XKR4: variants seen among roughly 807,000 people sequenced by gnomAD.
XKR4 encodes the protein XK related 4.
XKR4 carries 12 observed loss-of-function variants against 53.9 expected under a neutral mutation model. The observed-to-expected ratio is 0.22, with a 90% confidence interval of 0.14 to 0.36. XKR4 has a LOEUF of 0.36. XKR4 is among the 10% of genes least tolerant of loss of function. The pLI is 1.00. For missense variants in XKR4, 799 were observed against 859.5 expected (o/e 0.93, Z 0.88); for synonymous variants, 354 against 362.4 (o/e 0.98, Z 0.26).
At chr8:55,326,823 G>A (rs1342940733) in intron 1 of XKR4, among the ~76,000 whole-genome samples, 2 of 151,796 alleles carry the variant, frequency 1.3e-5, no homozygotes, top group South Asian at 2.1e-4. Flanking sequence ...TATGAGCTTA[G>A]GCAGCAAGAT....
chr8:55,517,928 A>AG (rs1161579789), intron 2 of XKR4: 3 of 152,234 alleles, frequency 2.0e-5, no homozygotes, highest in African/African-American at 4.8e-5. Context: ...ACAAAAAAAA[A>AG]GAGCCCTTCT....
chr8:55,282,136 T>C (rs1288638081), intron 1 of XKR4, among the ~76,000 whole-genome samples: 2 of 152,172 alleles, frequency 1.3e-5, no homozygotes, highest in African/African-American at 4.8e-5. Flanking sequence ...GAGCAGGGTA[T>C]TATCCTGGTT....
At chr8:55,485,440 C>A (rs34714985) in intron 2 of XKR4, among the ~76,000 whole-genome samples, 367 of 152,242 alleles carry the variant, frequency 2.4e-3, no homozygotes, top group Non-Finnish European at 3.5e-3. Flanking sequence ...ACATAGAAAA[C>A]TGAATTATAT....
chr8:55,238,144 A>ATCTC (rs145574225), intron 1 of XKR4, among the ~76,000 whole-genome samples: 9 of 151,174 alleles, frequency 6.0e-5, no homozygotes, highest in East Asian at 3.9e-4. Context: ...ATAGACATTT[A>ATCTC]TCTCTCTCTC....
intron 2 of XKR4, among the ~76,000 whole-genome samples, chr8:55,387,594 C>G (rs999416503): frequency 2.6e-5 from 4 of 152,328 alleles, no homozygotes; most frequent in Admixed American, 1.3e-4. Context: ...AGACCCTAGT[C>G]TTCTCAGCTT....
At chr8:55,418,621 A>G (rs1378248728) in intron 2 of XKR4, among the ~76,000 whole-genome samples, 1 of 152,186 alleles carries the variant, frequency 6.6e-6, no homozygotes, top group East Asian at 1.9e-4. Context: ...CAGCAGCCCA[A>G]ATGATTCTGT....
At chr8:55,306,687 C>G (rs577363164) in intron 1 of XKR4, among the ~76,000 whole-genome samples, 1 of 152,320 alleles carries the variant, frequency 6.6e-6, no homozygotes, top group African/African-American at 2.4e-5. Context: ...CACCAGGTCC[C>G]TCACACAGCA....
chr8:55,137,166 G>T (rs1816642655), intron 1 of XKR4, among the ~76,000 whole-genome samples: 2 of 151,990 alleles, frequency 1.3e-5, no homozygotes. Context: ...CCAATAATCT[G>T]CTAGAAAAAA....
At chr8:55,482,194 C>T (rs1445704838) in intron 2 of XKR4, among the ~76,000 whole-genome samples, 1 of 151,974 alleles carries the variant, frequency 6.6e-6, no homozygotes, top group Non-Finnish European at 1.5e-5. Flanking sequence ...GGCACATATA[C>T]ACCATGGAAT....
intron 2 of XKR4, among the ~76,000 whole-genome samples, chr8:55,392,471 T>A (rs1335087711): frequency 6.6e-6 from 1 of 152,234 alleles, no homozygotes; most frequent in Admixed American, 6.5e-5. Flanking sequence ...ATATATTTTT[T>A]AAAAAGTACA....
At chr8:55,510,596 C>G (rs1050062431) in intron 2 of XKR4, among the ~76,000 whole-genome samples, 4 of 152,060 alleles carry the variant, frequency 2.6e-5, no homozygotes, top group African/African-American at 9.7e-5. Flanking sequence ...CCCTGCAGGG[C>G]CCCAGTGTGA....
At chr8:55,455,085 C>G in intron 2 of XKR4, 3 of 680,698 alleles carry the variant, frequency 4.4e-6, no homozygotes, top group Non-Finnish European at 8.1e-6. Flanking sequence ...TTCCCACTCC[C>G]GCGCGGGTGC....
At chr8:55,173,873 A>G (rs1303155822) in intron 1 of XKR4, among the ~76,000 whole-genome samples, 2 of 152,234 alleles carry the variant, frequency 1.3e-5, no homozygotes, top group Non-Finnish European at 2.9e-5. Context: ...AGTGCTCTCA[A>G]AAATGTGTCA....
intron 1 of XKR4, among the ~76,000 whole-genome samples, chr8:55,238,363 G>C (rs1818163170): frequency 6.6e-6 from 1 of 152,174 alleles, no homozygotes; most frequent in Non-Finnish European, 1.5e-5. Flanking sequence ...CATCATAAAG[G>C]TGTTCATCCT....
chr8:55,425,115 C>A (rs2622602), intron 2 of XKR4, among the ~76,000 whole-genome samples: 46,271 of 151,938 alleles, frequency 0.3, 8,367 homozygotes, highest in East Asian at 0.43. Flanking sequence ...TGTCTTAACT[C>A]CACATAGAGG....
At chr8:55,495,134 G>A (rs116766102) in intron 2 of XKR4, among the ~76,000 whole-genome samples, 246 of 152,260 alleles carry the variant, frequency 1.6e-3, no homozygotes, top group African/African-American at 5.8e-3. Context: ...GTGCTGCCTC[G>A]AGCATGTGCA....
intron 1 of XKR4, among the ~76,000 whole-genome samples, chr8:55,280,082 T>C (rs1002157268): frequency 1.3e-5 from 2 of 152,212 alleles, no homozygotes; most frequent in Non-Finnish European, 2.9e-5. Context: ...GCAAGCTATC[T>C]GATATTAAAA....
At chr8:55,424,818 C>A (rs2658922) in intron 2 of XKR4, among the ~76,000 whole-genome samples, 6 of 152,274 alleles carry the variant, frequency 3.9e-5, no homozygotes, top group Non-Finnish European at 5.9e-5. Flanking sequence ...TGAACTTCAG[C>A]GTCACTCTCA....
chr8:55,323,747 C>A (rs894075149), intron 1 of XKR4, among the ~76,000 whole-genome samples: 2 of 152,180 alleles, frequency 1.3e-5, no homozygotes, highest in African/African-American at 2.4e-5. Flanking sequence ...GAACATTGTT[C>A]TATGTGTCCT....
Sources: gnomAD v4.1 joint callset for allele counts (sites outside exome capture counted in the v4.1 genomes callset) on GRCh38, gnomAD v4.1.1 for gene constraint, MANE v1.5 for transcripts, NCBI Gene and HGNC (gene_info 2026-07-23, HGNC 2026-07-21) for gene names.